SDC3: variants seen among roughly 807,000 people sequenced by gnomAD.
SDC3 encodes the protein syndecan-3.
Under a neutral mutation model 24.4 loss-of-function variants are expected in SDC3, and 13 were observed. That is an observed-to-expected ratio of 0.53 (90% CI 0.35 to 0.85). The LOEUF is 0.85. Among genes scored for constraint, SDC3 ranks in the 40% least tolerant of loss-of-function variants. The pLI, the probability that SDC3 is intolerant of heterozygous loss-of-function variation, is 0.01. For missense variants in SDC3, 571 were observed against 584.5 expected, an observed-to-expected ratio of 0.98 and a Z score of 0.24; for synonymous variants, 295 against 260.9, an observed-to-expected ratio of 1.13 and a Z score of -1.26.
rs956517223 is a variant in SDC3, at chr1:30,893,330, G to C, written c.139-14590C>G. 1.2e-4 allele frequency among the ~76,000 whole-genome samples: 5 copies of C among 40,546 alleles called. No homozygotes were observed. The East Asian group carries it at 4.0e-3, about 32-fold the overall frequency. 26.6% of individuals were successfully genotyped at this position (40,546 alleles called of 152,430 possible). A position where few individuals can be genotyped will look rare whatever the true frequency, so the allele number is the denominator to read the frequency against. On this transcript the variant is annotated intron_variant, in intron 1 of 4. Coordinates refer to ENST00000339394, the MANE Select transcript of SDC3 (RefSeq NM_014654.4). ...CCCCCCCCCCCCCACCATGTCTCAT[G>C]ACCAAACATTTGTCAAAAGCAACAC...
intron 1 of SDC3, among the ~76,000 whole-genome samples, chr1:30,885,622 T>C (rs867359306): frequency 1.3e-5 from 2 of 152,104 alleles, no homozygotes; most frequent in African/African-American, 4.8e-5. Context: ...GGAAAGGAAA[T>C]GAACACAAAA....
rs568372952 is a variant in SDC3, at chr1:30,876,947, C to T, written c.475G>A (p.Val159Ile). ...GCAGTGGTAGCCATGGTAGTGGAGA[C>T]GGTGGTGGCTCTCTGGCTGGGCTCT... ...PEEPSQRATTVSTTMATTAAT... is the reference protein window; with the variant it reads ...PEEPSQRATTISTTMATTAAT... Residue 159 changes from valine (V) to isoleucine (I), a missense_variant, in exon 3 of 5, where the codon GTC becomes ATC. Transcript: ENST00000339394. 8.2e-5 allele frequency: 132 copies of T among 1,613,658 alleles called. 1 individual carries two copies. In the South Asian group the frequency reaches 1.2e-3, roughly 15 times the overall value.
At chr1:30,888,971 T>G (rs1461819870) in intron 1 of SDC3, among the ~76,000 whole-genome samples, 1 of 152,114 alleles carries the variant, frequency 6.6e-6, no homozygotes, top group Non-Finnish European at 1.5e-5. Flanking sequence ...CAACCCAAGA[T>G]GAGGCTCTGT....
Position 30,873,246 on chromosome 1 carries a change from GGTAT to G in SDC3, c.1290_1293del (p.Tyr431ArgfsTer111), listed in dbSNP as rs1319635265. ...AACTCCTCCTGCTTGTCAGGCTTCTGGTATGTGACGCTCGCCTGCTTGGGTTCCT... is the reference window on the plus strand; with the variant it reads ...AACTCCTCCTGCTTGTCAGGCTTCTGGTGACGCTCGCCTGCTTGGGTTCCT... On this transcript the variant is annotated frameshift_variant, in exon 5 of 5. Transcript: ENST00000339394. LOFTEE classifies it high-confidence loss of function. 1 of 1,613,662 alleles carries G rather than the reference GGTAT, an allele frequency of 6.2e-7. No individual in the cohort carries two copies. Among genetic ancestry groups the G allele is most frequent in the Non-Finnish European group, 8.5e-7 (1 of 1,179,658 alleles).
intron 1 of SDC3, 142 bp from the exon 2 acceptor site, chr1:30,878,882 G>A (rs12134038): frequency 0.076 from 51,369 of 674,616 alleles, 2,597 homozygotes; most frequent in Non-Finnish European, 0.1. Flanking sequence ...GAAGGAAAGT[G>A]CGTGTGTGAA....
chr1:30,890,911 C>T (rs921062859), intron 1 of SDC3, among the ~76,000 whole-genome samples: 5 of 152,210 alleles, frequency 3.3e-5, no homozygotes, highest in African/African-American at 1.2e-4. Context: ...AAGTGGGAGG[C>T]CCAGCTCAGC....
At chr1:30,888,362 T>C (rs1405790022) in intron 1 of SDC3, among the ~76,000 whole-genome samples, 3 of 152,156 alleles carry the variant, frequency 2.0e-5, no homozygotes, top group African/African-American at 4.8e-5. Flanking sequence ...TTGGAATCAC[T>C]TGAAGCCAGG....
intron 1 of SDC3, among the ~76,000 whole-genome samples, chr1:30,900,712 C>T (rs1437582954): frequency 6.6e-6 from 1 of 152,152 alleles, no homozygotes; most frequent in African/African-American, 2.4e-5. Flanking sequence ...TGCCCGCAAT[C>T]GAATTGGCAA....
rs930497259 is a variant in SDC3, at chr1:30,871,966, T to C, written c.*1245A>G. On this transcript the variant is annotated 3_prime_UTR_variant, in exon 5 of 5. Transcript: ENST00000339394. ...TGAAGCCAGGCCCACCTGCATGCAA[T>C]GCCCTAAAAGGGCTGTGGCCCCACA... The C allele has an allele frequency of 6.6e-6, 1 of 152,256 alleles. No individual in the cohort carries two copies. Among genetic ancestry groups the C allele is most frequent in the Admixed American group, 6.5e-5 (1 of 15,288 alleles). The allele number at this position is 152,256 out of a possible 1,614,324, so 9.4% of individuals were successfully genotyped here.
chr1:30,869,543 A>C lies in SDC3; in HGVS notation c.*3668T>G, dbSNP rs1434915795. The C allele has an allele frequency of 6.0e-4, 201 of 335,022 alleles. 1 individual carries two copies. Among genetic ancestry groups the C allele is most frequent in the Admixed American group, 2.4e-3 (45 of 18,972 alleles). 20.8% of individuals were successfully genotyped at this position (335,022 alleles called of 1,614,324 possible). ...GTTAAAAAAACAAACAAACAAAAAA[A>C]AAAAAAAAAAAAAAAAAACAAAAAC... On this transcript the variant is annotated 3_prime_UTR_variant, in exon 5 of 5. Coordinates refer to ENST00000339394, the MANE Select transcript of SDC3 (RefSeq NM_014654.4).
chr1:30,886,554 T>C (rs1639832035), intron 1 of SDC3, among the ~76,000 whole-genome samples: 1 of 151,968 alleles, frequency 6.6e-6, no homozygotes, highest in Non-Finnish European at 1.5e-5. Context: ...GATAATATGG[T>C]CTCCATTTAT....
chr1:30,872,736 C>T lies in SDC3; in HGVS notation c.*475G>A, dbSNP rs1317959515. On this transcript the variant is annotated 3_prime_UTR_variant, in exon 5 of 5. Coordinates refer to ENST00000339394, the MANE Select transcript of SDC3 (RefSeq NM_014654.4). ...CCAGCTAGAGAGAGGCCCTGGGATA[C>T]GAGCAAGAGGTTGCAGTGTCTAGAT... 1.8e-5 allele frequency: 3 copies of T among 163,570 alleles called. No homozygotes were observed. Among genetic ancestry groups the T allele is most frequent in the South Asian group, 1.7e-4 (1 of 5,960 alleles). The allele number at this position is 163,570 out of a possible 1,614,324, so 10.1% of individuals were successfully genotyped here.
chr1:30,890,978 G>A (rs572693544), intron 1 of SDC3, among the ~76,000 whole-genome samples: 123 of 152,326 alleles, frequency 8.1e-4, no homozygotes, highest in African/African-American at 2.8e-3. Flanking sequence ...CAGTGGAGGG[G>A]GACAGGCTCA....
chr1:30,873,504 G>T (rs931454039), intron 4 of SDC3, 127 bp from the exon 5 acceptor site: 97 of 642,558 alleles, frequency 1.5e-4, no homozygotes. Context: ...AGTGATGATG[G>T]AGTCAATACT....
At chr1:30,879,218 T>G (rs1406202353) in intron 1 of SDC3, among the ~76,000 whole-genome samples, 1 of 151,992 alleles carries the variant, frequency 6.6e-6, no homozygotes, top group Non-Finnish European at 1.5e-5. Context: ...AGTGAGGATC[T>G]CAATCCTGTC....
chr1:30,898,154 C>G (rs1434748739), intron 1 of SDC3, among the ~76,000 whole-genome samples: 1 of 152,132 alleles, frequency 6.6e-6, no homozygotes, highest in African/African-American at 2.4e-5. Flanking sequence ...ACACTCTCAT[C>G]AGAAAGGGCG....
chr1:30,891,522 C>A (rs1293465756), intron 1 of SDC3, among the ~76,000 whole-genome samples: 3 of 152,200 alleles, frequency 2.0e-5, no homozygotes, highest in Non-Finnish European at 4.4e-5. Flanking sequence ...ACCCCTTAGG[C>A]CCTGTCTTGA....
At chr1:30,877,555 G>T (rs890021817) in intron 2 of SDC3, 4 of 433,184 alleles carry the variant, frequency 9.2e-6, no homozygotes, top group African/African-American at 5.9e-5. Flanking sequence ...GACCCCAAAG[G>T]CACCCCTACC....
At chr1:30,881,396 A>G (rs913008920) in intron 1 of SDC3, 2 of 153,234 alleles carry the variant, frequency 1.3e-5, no homozygotes, top group African/African-American at 4.8e-5. Flanking sequence ...CGCCATGGCC[A>G]CGTATGTTCC....
Sources: allele counts gnomAD v4.1 joint callset (sites outside exome capture counted in the v4.1 genomes callset), GRCh38; gene constraint gnomAD v4.1.1; transcripts MANE v1.5; gene names NCBI Gene and HGNC (gene_info 2026-07-23, HGNC 2026-07-21).